The following MYO9A variants were observed in gnomAD, a reference collection of about 807,000 sequenced individuals.
MYO9A encodes the protein myosin IXA, also known as unconventional myosin-IXa.
Under a neutral mutation model 293.3 loss-of-function variants are expected in MYO9A, and 103 were observed. The observed-to-expected ratio is 0.35, with a 90% CI of 0.30 to 0.41. MYO9A has a LOEUF of 0.41. Ranked by LOEUF, MYO9A falls within the 10% of genes least tolerant of loss-of-function variation. The probability of loss-of-function intolerance (pLI) is 1.00; values close to 1 mark genes in which losing one functional copy is unlikely to be tolerated. For missense variants in MYO9A, 2,685 were observed against 3,033.0 expected (o/e 0.89, Z 2.69); for synonymous variants, 1,001 against 1,035.7 (o/e 0.97, Z 0.64).
chr15:72,008,387 T>C (rs1156444039), intron 7 of MYO9A, among the ~76,000 whole-genome samples: 2 of 152,016 alleles, frequency 1.3e-5, no homozygotes, highest in African/African-American at 2.4e-5. Context: ...TTATTAGTTA[T>C]GTTGTTAAAA....
chr15:71,921,639 G>A (rs1381920279), intron 18 of MYO9A, among the ~76,000 whole-genome samples: 2 of 152,144 alleles, frequency 1.3e-5, no homozygotes, highest in African/African-American at 4.8e-5. Flanking sequence ...TGTGTAAACA[G>A]GAGATATTTT....
At chr15:71,956,247 CTACAG>C (rs2059174196) in intron 14 of MYO9A, among the ~76,000 whole-genome samples, 1 of 143,250 alleles carries the variant, frequency 7.0e-6, no homozygotes, top group Admixed American at 7.1e-5. Flanking sequence ...GAGTTTGAGG[CTACAG>C]TGAACTGTGA....
intron 2 of MYO9A, among the ~76,000 whole-genome samples, chr15:72,032,875 C>G (rs2077919808): frequency 6.6e-6 from 1 of 152,020 alleles, no homozygotes; most frequent in Non-Finnish European, 1.5e-5. Context: ...ATTTTGGAGA[C>G]AGAGTCTCAC....
intron 1 of MYO9A, among the ~76,000 whole-genome samples, chr15:72,087,534 C>G (rs1267370121): frequency 1.3e-5 from 2 of 152,186 alleles, no homozygotes; most frequent in Admixed American, 6.5e-5. Context: ...TCAACTCACC[C>G]GTTTCCCTGG....
chr15:71,975,718 A>C (rs1470525826), intron 12 of MYO9A, among the ~76,000 whole-genome samples: 1 of 152,174 alleles, frequency 6.6e-6, no homozygotes, highest in Non-Finnish European at 1.5e-5. Context: ...CAGAGAGGCC[A>C]AGAAGAATCT....
intron 15 of MYO9A, 107 bp downstream of exon 15, chr15:71,951,670 A>T: frequency 7.8e-7 from 1 of 1,286,058 alleles, no homozygotes; most frequent in Non-Finnish European, 1.1e-6. Flanking sequence ...AGGTTTATGG[A>T]GGCCATGTTG....
At chr15:71,860,857 C>T (rs1361449931) in intron 33 of MYO9A, among the ~76,000 whole-genome samples, 1 of 150,436 alleles carries the variant, frequency 6.6e-6, no homozygotes, top group East Asian at 2.0e-4. Context: ...ATCCCAGCTA[C>T]TTGGGAGGCT....
chr15:71,899,995 C>A lies in MYO9A; in HGVS notation c.3162G>T (p.Arg1054Ser). The stretch of plus-strand genomic sequence containing the variant: ...TGACTTGCTTCTGATTTAGGTAATT[C>A]CTCCAGAATCTCTATGGGGAAGACA... ...QASVIIQRFW[R>S]NYLNQKQVRD... The change falls in exon 24 of 42, where the codon AGG becomes AGT. Residue 1054 changes from arginine to serine, a missense_variant. By Grantham distance (110) the Arg-to-Ser change is moderately radical (BLOSUM62 -1). Transcript: ENST00000356056. The A allele has an allele frequency of 5.0e-6, 8 of 1,606,414 alleles. No individual in the cohort carries two copies. Among genetic ancestry groups the A allele is most frequent in the Non-Finnish European group, 6.8e-6 (8 of 1,173,822 alleles).
intron 1 of MYO9A, among the ~76,000 whole-genome samples, chr15:72,064,709 G>A (rs890473626): frequency 1.3e-5 from 2 of 152,088 alleles, no homozygotes; most frequent in African/African-American, 2.4e-5. Flanking sequence ...ACGTAAGGTC[G>A]CAAGAAGACC....
chr15:71,978,142 A>G (rs755635906), intron 12 of MYO9A, 29 bp downstream of exon 12: 5 of 1,607,814 alleles, frequency 3.1e-6, no homozygotes, highest in Admixed American at 1.7e-5. Flanking sequence ...AAAACAGCCA[A>G]TAACAAAATT....
chr15:71,943,316 T>A (rs1255133356), intron 15 of MYO9A, among the ~76,000 whole-genome samples: 1 of 152,046 alleles, frequency 6.6e-6, no homozygotes, highest in Non-Finnish European at 1.5e-5. Context: ...AAAGATTATG[T>A]TAATTCAAGA....
rs1475467337 is a variant in MYO9A at position 71,848,949 on chromosome 15, C to T, written c.6733G>A (p.Val2245Met). 1.9e-6 allele frequency: 3 copies of T among 1,603,462 alleles called. No individual in the cohort carries two copies. The highest frequency in any genetic ancestry group is 1.1e-5 in the South Asian group (1 of 88,500). ...KTTTCVELIV[V>M]EQMNKYKARL... ...GCCTTGTATTTATTCATTTGTTCCA[C>T]AACAATCAGTTCCACACAACTGAAA... The change falls in exon 39 of 42, where the codon GTG becomes ATG. Residue 2245 changes from valine to methionine, a missense_variant. By Grantham distance (21) the Val-to-Met change is conservative. Transcript: ENST00000356056.
At chr15:71,922,159 A>C (rs1216497754) in intron 18 of MYO9A, among the ~76,000 whole-genome samples, 1 of 152,090 alleles carries the variant, frequency 6.6e-6, no homozygotes, top group East Asian at 1.9e-4. Flanking sequence ...TTGTATTTTT[A>C]GTAGACACAG....
At chr15:72,005,485 A>C (rs1461282373) in intron 8 of MYO9A, among the ~76,000 whole-genome samples, 1 of 152,220 alleles carries the variant, frequency 6.6e-6, no homozygotes, top group Non-Finnish European at 1.5e-5. Flanking sequence ...CTTGACTAAA[A>C]TATCACCTGA....
intron 1 of MYO9A, among the ~76,000 whole-genome samples, chr15:72,103,621 A>AGCAGTG (rs2080467846): frequency 2.4e-5 from 3 of 127,026 alleles, no homozygotes; most frequent in Non-Finnish European, 3.3e-5. Context: ...AAGCAACAGA[A>AGCAGTG]GAAGCAGAAG....
At chr15:71,836,203 G>C (rs571290223) in intron 39 of MYO9A, among the ~76,000 whole-genome samples, 1 of 152,020 alleles carries the variant, frequency 6.6e-6, no homozygotes, top group Non-Finnish European at 1.5e-5. Flanking sequence ...AATCCAATTA[G>C]AAAAACAGGC....
chr15:72,036,988 C>G (rs1418044062), intron 2 of MYO9A, among the ~76,000 whole-genome samples: 1 of 151,740 alleles, frequency 6.6e-6, no homozygotes, highest in Non-Finnish European at 1.5e-5. Flanking sequence ...CTACCTGAGC[C>G]TCCCAAAGTG....
At chr15:71,998,565 C>A (rs146134998) in intron 9 of MYO9A, among the ~76,000 whole-genome samples, 1 of 140,082 alleles carries the variant, frequency 7.1e-6, no homozygotes. Flanking sequence ...TTTTTTTTGT[C>A]TTTTTTTTTC....
In MYO9A at chr15:72,067,244, C is replaced by A. The variant is rs1157094330; in HGVS notation, c.-71-20610G>T. Among the ~76,000 whole-genome samples the A allele has an allele frequency of 3.3e-5, 5 of 150,856 alleles. No individual in the cohort carries two copies. In the East Asian group the frequency reaches 9.7e-4, roughly 29 times the overall value. ...TATATTTTACCATAATCACTAAATA[C>A]CTGAGAAAAGTACAAATATTAGCAT... On this transcript the variant is annotated intron_variant, in intron 1 of 41. Coordinates refer to ENST00000356056, the MANE Select transcript of MYO9A (RefSeq NM_006901.4).
Sources: gnomAD v4.1 joint callset for allele counts (sites outside exome capture counted in the v4.1 genomes callset) on GRCh38, gnomAD v4.1.1 for gene constraint, MANE v1.5 for transcripts, NCBI Gene and HGNC (gene_info 2026-07-23, HGNC 2026-07-21) for gene names.